DMXL2: variants seen among roughly 807,000 people sequenced by gnomAD.
The protein encoded by DMXL2 is Dmx like 2.
Under a neutral mutation model 331.1 loss-of-function variants are expected in DMXL2, and 103 were observed. The ratio of observed to expected loss-of-function variants is 0.31; its 90% CI spans 0.27 to 0.37. The LOEUF is 0.37. DMXL2 is among the 10% of genes least tolerant of loss of function. The probability of loss-of-function intolerance (pLI) is 1.00; values close to 1 mark genes in which losing one functional copy is unlikely to be tolerated. For synonymous variants in DMXL2, 1,281 were observed against 1,252.1 expected (o/e 1.02, Z -0.49); for missense variants, 3,171 against 3,642.9 (o/e 0.87, Z 3.33).
chr15:51,532,345 T>C (rs890083001), intron 13 of DMXL2, among the ~76,000 whole-genome samples: 2 of 151,956 alleles, frequency 1.3e-5, no homozygotes, highest in African/African-American at 4.8e-5. Context: ...ACTGGACCCA[T>C]AGAGATAGAG....
intron 2 of DMXL2, among the ~76,000 whole-genome samples, chr15:51,569,907 G>A (rs565266290): frequency 1.2e-4 from 18 of 152,106 alleles, no homozygotes; most frequent in African/African-American, 3.4e-4. Flanking sequence ...ACAACTCCTC[G>A]CCAGCAAGGG....
chr15:51,503,412 C>T (rs1162500399), intron 16 of DMXL2, among the ~76,000 whole-genome samples: 1 of 152,152 alleles, frequency 6.6e-6, no homozygotes, highest in African/African-American at 2.4e-5. Context: ...GAAATCCTGT[C>T]ATTTGCAGCA....
chr15:51,447,985 T>G lies in DMXL2; in HGVS notation c.*999A>C, dbSNP rs1298267326. On this transcript the variant is annotated 3_prime_UTR_variant, in exon 44 of 44. Transcript: ENST00000560891. ...ACATTAGTTTCAGTATCTCAACATATTTTTGGTCATAACCAAGGAAATACA... is the reference window on the plus strand; with the variant it reads ...ACATTAGTTTCAGTATCTCAACATAGTTTTGGTCATAACCAAGGAAATACA... 6 of 152,624 alleles carry G rather than the reference T, an allele frequency of 3.9e-5. No homozygotes were observed. Among genetic ancestry groups the G allele is most frequent in the Non-Finnish European group, 7.3e-5 (5 of 68,030 alleles). 9.5% of individuals were successfully genotyped at this position (152,624 alleles called of 1,614,324 possible).
intron 17 of DMXL2, among the ~76,000 whole-genome samples, chr15:51,500,939 G>A (rs565163205): frequency 3.3e-5 from 5 of 152,096 alleles, no homozygotes; most frequent in South Asian, 4.1e-4. Context: ...ATTAACAGTG[G>A]GAAAGCTACT....
At chr15:51,529,131 T>G (rs995396431) in intron 13 of DMXL2, among the ~76,000 whole-genome samples, 3 of 152,116 alleles carry the variant, frequency 2.0e-5, no homozygotes, top group Non-Finnish European at 4.4e-5. Context: ...GGGAAGTTTA[T>G]AGCTGTAAGT....
intron 15 of DMXL2, among the ~76,000 whole-genome samples, chr15:51,508,498 T>C (rs556110234): frequency 6.6e-6 from 1 of 152,292 alleles, no homozygotes; most frequent in South Asian, 2.1e-4. Context: ...TAGCCTAATA[T>C]AGCACTATGT....
chr15:51,621,274 AC>A lies in DMXL2; in HGVS notation c.87+1184del, dbSNP rs2054609307. Among the ~76,000 whole-genome samples the A allele has an allele frequency of 2.0e-5, 3 of 152,364 alleles. No individual in the cohort carries two copies. In the South Asian group the frequency reaches 6.2e-4, roughly 32 times the overall value. On this transcript the variant is annotated intron_variant, in intron 1 of 43. Transcript: ENST00000560891. ...AGCAATCTTCTGGGGTTAATGTATCACAAAACGTCAAAAAATAAATTCTGTT... is the reference window on the plus strand; with the variant it reads ...AGCAATCTTCTGGGGTTAATGTATCAAAAACGTCAAAAAATAAATTCTGTT...
intron 1 of DMXL2, among the ~76,000 whole-genome samples, chr15:51,593,984 C>G (rs2052595259): frequency 1.3e-5 from 2 of 151,906 alleles, no homozygotes; most frequent in Admixed American, 1.3e-4. Flanking sequence ...AAACTGACAC[C>G]CTAACATCAC....
chr15:51,610,211 A>C (rs1457202344), intron 1 of DMXL2, among the ~76,000 whole-genome samples: 1 of 152,238 alleles, frequency 6.6e-6, no homozygotes, highest in Non-Finnish European at 1.5e-5. Context: ...CTTCCTAATG[A>C]TCAACAGATC....
chr15:51,555,200 A>C (rs2049482974), intron 6 of DMXL2, among the ~76,000 whole-genome samples: 1 of 152,214 alleles, frequency 6.6e-6, no homozygotes. Flanking sequence ...TGGTTTGAAC[A>C]TAGATTGTAC....
intron 3 of DMXL2, chr15:51,568,217 A>C: frequency 3.3e-6 from 1 of 305,846 alleles, no homozygotes; most frequent in African/African-American, 2.2e-5. Flanking sequence ...TTAGTAATCC[A>C]GACAAGAAAT....
At chr15:51,615,974 CAAG>C (rs976839477) in intron 1 of DMXL2, among the ~76,000 whole-genome samples, 4 of 152,106 alleles carry the variant, frequency 2.6e-5, no homozygotes, top group African/African-American at 9.7e-5. Flanking sequence ...CCTTAGATCA[CAAG>C]AAGAAAACAC....
rs541443396 is a variant in DMXL2, at chr15:51,476,290, ACT to A, written c.6964+297_6964+298del. Among the ~76,000 whole-genome samples the A allele has an allele frequency of 8.5e-5, 13 of 152,152 alleles. No homozygotes were observed. The South Asian group carries it at 2.5e-3, about 29-fold the overall frequency. On this transcript the variant is annotated intron_variant, in intron 27 of 43. Transcript: ENST00000560891. ...GAAAATATGTCTGTGATTTTCTAAGACTCTAATTTAACATTTCTAAGAAAGAT... is the reference window on the plus strand; with the variant it reads ...GAAAATATGTCTGTGATTTTCTAAGACTAATTTAACATTTCTAAGAAAGAT...
intron 1 of DMXL2, among the ~76,000 whole-genome samples, chr15:51,578,155 G>C (rs1047292210): frequency 2.0e-5 from 3 of 152,180 alleles, no homozygotes; most frequent in Admixed American, 6.6e-5. Flanking sequence ...AACAAACCTG[G>C]AGGGTAGATA....
chr15:51,462,242 A>G (rs1370651204), intron 33 of DMXL2, among the ~76,000 whole-genome samples: 3 of 152,272 alleles, frequency 2.0e-5, no homozygotes, highest in Non-Finnish European at 4.4e-5. Flanking sequence ...TTTATACTTT[A>G]TCTCGGGAAA....
intron 29 of DMXL2, among the ~76,000 whole-genome samples, chr15:51,469,024 C>G (rs557882681): frequency 6.6e-6 from 1 of 152,202 alleles, no homozygotes; most frequent in East Asian, 1.9e-4. Context: ...ATAGCAACCA[C>G]TTGCAAGGTA....
At chr15:51,500,440 A>C (rs1045043580) in intron 17 of DMXL2, among the ~76,000 whole-genome samples, 1 of 152,220 alleles carries the variant, frequency 6.6e-6, no homozygotes, top group Non-Finnish European at 1.5e-5. Flanking sequence ...CAGTGAAATC[A>C]AGGTATGCAA....
In DMXL2 at chr15:51,499,047, G is replaced by T. The variant is rs374821835; in HGVS notation, c.4177C>A (p.Arg1393=). The change falls in exon 18 of 44, where the codon CGA becomes AGA. Residue 1393 remains arginine (R), a synonymous_variant. Coordinates refer to ENST00000560891, the MANE Select transcript of DMXL2 (RefSeq NM_001378457.1). The part of the protein sequence containing the change: ...RDPDAGEGTK[R]HLSRTISVSG... ...ACACTAATAGTTCGAGAGAGATGTC[G>T]CTTAGTTCCTTCTCCAGCATCAGGA... 6.8e-6 allele frequency: 11 copies of T among 1,613,682 alleles called. No individual in the cohort carries two copies. Among genetic ancestry groups the T allele is most frequent in the Non-Finnish European group, 8.5e-6 (10 of 1,180,022 alleles).
In DMXL2 at chr15:51,486,163, G is replaced by A; in HGVS notation, c.5392C>T (p.Arg1798Cys). 2 of 1,613,988 alleles carry A rather than the reference G, an allele frequency of 1.2e-6. No homozygotes were observed. The highest frequency in any genetic ancestry group is 1.7e-6 in the Non-Finnish European group (2 of 1,179,934). The change falls in exon 23 of 44, where the codon CGT (arginine) becomes TGT (cysteine). Residue 1798 changes from arginine to cysteine, a missense_variant. Arg to Cys is a radical substitution (Grantham distance 180, BLOSUM62 -3). Around this residue, in one of 7 missense-constraint regions of DMXL2, gnomAD observed 252 missense variants for 387.4 expected, o/e 0.65. Transcript: ENST00000560891. ...CKRLHPDPFL[R>C]SLAYWVMKDY... is the part of the protein sequence containing the mutation. ...TTCATTACCCAATAGGCAAGACTAC[G>A]CAGGAAAGGATCAGGATGTAATCTT...
Sources: allele counts gnomAD v4.1 joint callset (sites outside exome capture counted in the v4.1 genomes callset), GRCh38; gene constraint gnomAD v4.1.1; regional missense constraint gnomAD v4.1.1; transcripts MANE v1.5; gene names NCBI Gene and HGNC (gene_info 2026-07-23, HGNC 2026-07-21).